VAV1: variants seen among roughly 807,000 people sequenced by gnomAD.
VAV1 encodes the protein proto-oncogene vav.
Under a neutral mutation model 128.1 loss-of-function variants are expected in VAV1, and 33 were observed. The observed-to-expected ratio is 0.26, with a 90% CI of 0.20 to 0.34. The LOEUF (loss-of-function observed/expected upper bound fraction) is 0.34, where lower values mean the gene tolerates loss of function less well. Ranked by LOEUF, VAV1 falls within the 10% of genes least tolerant of loss-of-function variation. The probability of loss-of-function intolerance (pLI) is 1.00; values close to 1 mark genes in which losing one functional copy is unlikely to be tolerated. For synonymous variants in VAV1, 394 were observed against 409.8 expected (o/e 0.96, Z 0.47); for missense variants, 715 against 1,093.7 (o/e 0.65, Z 4.88).
At chr19:6,778,068 C>G (rs1970683451) in intron 1 of VAV1, among the ~76,000 whole-genome samples, 1 of 152,176 alleles carries the variant, frequency 6.6e-6, no homozygotes. Context: ...TCCTGAGTAG[C>G]TGGGGCTACA....
At chr19:6,787,831 C>T (rs1028979010) in intron 1 of VAV1, among the ~76,000 whole-genome samples, 2 of 151,976 alleles carry the variant, frequency 1.3e-5, no homozygotes, top group African/African-American at 2.4e-5. Flanking sequence ...AATCCCAGCA[C>T]TTTGGGAGGC....
At chr19:6,797,180 C>A (rs113786899) in intron 1 of VAV1, among the ~76,000 whole-genome samples, 1 of 149,762 alleles carries the variant, frequency 6.7e-6, no homozygotes, top group South Asian at 2.1e-4. Context: ...TGCTGTGAGC[C>A]GAGATTGCAG....
intron 1 of VAV1, among the ~76,000 whole-genome samples, chr19:6,798,668 C>G (rs1042003730): frequency 6.6e-6 from 1 of 151,324 alleles, no homozygotes; most frequent in Admixed American, 6.6e-5. Context: ...TTCCCCCCCC[C>G]ACCCAAAAGA....
In VAV1 at chr19:6,821,776, C is replaced by T. The variant is rs749341841; in HGVS notation, c.381-15C>T. 1.9e-6 allele frequency: 3 copies of T among 1,613,994 alleles called. No homozygotes were observed. The highest frequency in any genetic ancestry group is 1.3e-5 in the African/African-American group (1 of 74,938). On this transcript the variant is annotated splice_polypyrimidine_tract_variant and intron_variant, in intron 3 of 26. Transcript: ENST00000602142. The stretch of plus-strand genomic sequence containing the variant: ...AGCCCCCAGGCCCCTGGCTCACACC[C>T]TCCTGACCCCCCAGGCCCTTCCCCA...
intron 1 of VAV1, among the ~76,000 whole-genome samples, chr19:6,793,819 A>G (rs990430382): frequency 3.3e-5 from 5 of 152,152 alleles, no homozygotes; most frequent in African/African-American, 1.2e-4. Flanking sequence ...CAGTTTCCCT[A>G]TCTTTCAAAT....
Position 6,829,936 on chromosome 19 carries a change from GA to G in VAV1, c.1398+20del, listed in dbSNP as rs1260714295. On this transcript the variant is annotated intron_variant, in intron 14 of 26. Transcript: ENST00000602142. ...ACAAGAAGGTGGGGCTTTGACGCCG[GA>G]ACTATGGGGTCCTCCACGCAGTCGG... is the stretch of plus-strand genomic sequence containing the variant. 7.4e-6 allele frequency: 12 copies of G among 1,613,920 alleles called. No individual in the cohort carries two copies. The highest frequency in any genetic ancestry group is 2.2e-5 in the East Asian group (1 of 44,878).
rs779560365 is a variant in VAV1 at position 6,828,880 on chromosome 19, A to T, written c.1245A>T (p.Glu415Asp). ...GGGAACTCAAGATCACCTCGGTGGA[A>T]CGGCGCTCCAAGATGGACAGGTGGG... ...IDGELKITSV[E>D]RRSKMDRYAF... The change falls in exon 13 of 27, where the codon GAA becomes GAT. Residue 415 changes from glutamate (E) to aspartate (D), a missense_variant. Physicochemically the swap from Glu to Asp is conservative, Grantham distance 45 (BLOSUM62 2). Coordinates refer to ENST00000602142, the MANE Select transcript of VAV1 (RefSeq NM_005428.4). The surrounding 1 kb of genome is among the most constrained non-coding windows in gnomAD (Gnocchi z 4.5). The T allele has an allele frequency of 6.2e-7, 1 of 1,614,058 alleles. No individual in the cohort carries two copies. The highest frequency in any genetic ancestry group is 1.7e-5 in the Admixed American group (1 of 60,002).
At chr19:6,798,629 G>A (rs1483771327) in intron 1 of VAV1, among the ~76,000 whole-genome samples, 1 of 152,006 alleles carries the variant, frequency 6.6e-6, no homozygotes, top group Non-Finnish European at 1.5e-5. Context: ...CTCCAGTCTG[G>A]GTGACAGAGT....
intron 19 of VAV1, among the ~76,000 whole-genome samples, chr19:6,834,535 GC>G (rs1321399813): frequency 2.7e-5 from 4 of 149,574 alleles, no homozygotes; most frequent in Non-Finnish European, 4.4e-5. Flanking sequence ...GAGCCACTGT[GC>G]CCAGCCTTAA....
At chr19:6,797,519 T>C (rs10424453) in intron 1 of VAV1, among the ~76,000 whole-genome samples, 10,712 of 151,588 alleles carry the variant, frequency 0.071, 1,251 homozygotes, top group African/African-American at 0.24. Context: ...GCCTCACCAG[T>C]ATAGTAAAAC....
intron 23 of VAV1, 127 bp from the exon 24 acceptor site, chr19:6,850,543 A>T: frequency 1.3e-6 from 1 of 790,844 alleles, no homozygotes; most frequent in Non-Finnish European, 2.1e-6. Flanking sequence ...CTGTTGGGAC[A>T]GCTTGTCTTT....
Position 6,834,634 on chromosome 19 carries a change from A to G in VAV1, c.1777+681A>G, listed in dbSNP as rs550484335. 1.1e-3 allele frequency among the ~76,000 whole-genome samples: 168 copies of G among 146,644 alleles called. 1 individual carries two copies. The highest frequency in any genetic ancestry group is 3.9e-3 in the African/African-American group (157 of 40,544). ...ATATTAATATTAATTAATATAATATAGTAATAATATATTATAATAATATAT... is the reference window on the plus strand; with the variant it reads ...ATATTAATATTAATTAATATAATATGGTAATAATATATTATAATAATATAT... On this transcript the variant is annotated intron_variant, in intron 19 of 26. Transcript: ENST00000602142.
Position 6,826,697 on chromosome 19 carries a change from C to T in VAV1, c.913C>T (p.Gln305Ter). The change falls in exon 9 of 27, where the codon CAG (glutamine) becomes TAG (stop). Residue 305 changes from glutamine (Q) to a stop codon, truncating the protein, a stop_gained. Coordinates refer to ENST00000602142, the MANE Select transcript of VAV1 (RefSeq NM_005428.4). LOFTEE classifies it high-confidence loss of function. This position sits in a 1 kb window ranked among gnomAD's most constrained non-coding sequence, Gnocchi z 4.1. Reference sequence around the variant, plus strand: ...TGTGGCCGCAGCCCGGGAGGACGTGCAGATGAAGCTGGAGGTGGGCGCCGG... The same window carrying T: ...TGTGGCCGCAGCCCGGGAGGACGTGTAGATGAAGCTGGAGGTGGGCGCCGG... The part of the protein sequence containing the change: ...DRVAAAREDV[Q>*]MKLEECSQRA... 1 of 1,552,354 alleles carries T rather than the reference C, an allele frequency of 6.4e-7. No individual in the cohort carries two copies. The highest frequency in any genetic ancestry group is 8.7e-7 in the Non-Finnish European group (1 of 1,151,836).
At chr19:6,790,497 AG>A (rs1970994476) in intron 1 of VAV1, among the ~76,000 whole-genome samples, 1 of 152,180 alleles carries the variant, frequency 6.6e-6, no homozygotes, top group Non-Finnish European at 1.5e-5. Context: ...GGGGCTCCAA[AG>A]GAGAATCTTT....
intron 1 of VAV1, among the ~76,000 whole-genome samples, chr19:6,792,757 AG>A (rs1376260599): frequency 7.0e-6 from 1 of 143,364 alleles, no homozygotes; most frequent in Non-Finnish European, 1.5e-5. Flanking sequence ...AGTGGGGGCG[AG>A]GGGAGTGACT....
chr19:6,803,302 T>C (rs1249447426), intron 1 of VAV1, among the ~76,000 whole-genome samples: 1 of 152,226 alleles, frequency 6.6e-6, no homozygotes, highest in Admixed American at 6.5e-5. Flanking sequence ...GGGCAGATTA[T>C]GCAAATTTCT....
At chr19:6,794,103 GATTT>G (rs72201401) in intron 1 of VAV1, among the ~76,000 whole-genome samples, 16 of 92,508 alleles carry the variant, frequency 1.7e-4, no homozygotes, top group African/African-American at 5.5e-4. Context: ...AACGGTAAAT[GATTT>G]ATTTACCAAT....
At position 6,857,182 on chromosome 19, in the gene VAV1, C is replaced by A; in HGVS notation, c.*75C>A. 6.3e-7 allele frequency: 1 copy of A among 1,599,344 alleles called. No homozygotes were observed. Among genetic ancestry groups the A allele is most frequent in the South Asian group, 1.1e-5 (1 of 90,072 alleles). Reference sequence around the variant, plus strand: ...CGTGGGCAGGCAGCGGAGCCAGGGGCTGTGACAGCTCCCGGCGGGTGGAGA... The same window carrying A: ...CGTGGGCAGGCAGCGGAGCCAGGGGATGTGACAGCTCCCGGCGGGTGGAGA... On this transcript the variant is annotated 3_prime_UTR_variant, in exon 27 of 27. Coordinates refer to ENST00000602142, the MANE Select transcript of VAV1 (RefSeq NM_005428.4).
chr19:6,811,452 G>A (rs1971509679), intron 1 of VAV1, among the ~76,000 whole-genome samples: 1 of 152,198 alleles, frequency 6.6e-6, no homozygotes, highest in Non-Finnish European at 1.5e-5. Flanking sequence ...GCCCAGCACA[G>A]GCGTCTTCGT....
Sources: gnomAD v4.1 joint callset for allele counts (sites outside exome capture counted in the v4.1 genomes callset) on GRCh38, gnomAD v4.1.1 for gene constraint, Gnocchi (gnomAD v3.1) non-coding constraint, MANE v1.5 for transcripts, NCBI Gene and HGNC (gene_info 2026-07-23, HGNC 2026-07-21) for gene names.